Variants in PDCD1LG2 observed in about 807,000 individuals in gnomAD.
The protein encoded by PDCD1LG2 is B7 dendritic cell molecule.
Under a neutral mutation model 28.2 loss-of-function variants are expected in PDCD1LG2, and 32 were observed. The ratio of observed to expected loss-of-function variants is 1.13; its 90% CI spans 0.86 to 1.52. The LOEUF is 1.52. PDCD1LG2 is among the 40% of genes most tolerant of loss of function. The probability of loss-of-function intolerance (pLI) is 0.00; values close to 1 mark genes in which losing one functional copy is unlikely to be tolerated. For synonymous variants in PDCD1LG2, 116 were observed against 120.2 expected, an observed-to-expected ratio of 0.97 and a Z score of 0.23; for missense variants, 385 against 323.8, an observed-to-expected ratio of 1.19 and a Z score of -1.45.
At chr9:5,515,167 A>T (rs966628676) in intron 1 of PDCD1LG2, among the ~76,000 whole-genome samples, 1 of 152,256 alleles carries the variant, frequency 6.6e-6, no homozygotes, top group Admixed American at 6.5e-5. Context: ...CCCAGATATT[A>T]GAGAACGTGT....
chr9:5,557,188 G>C (rs1816459486), intron 4 of PDCD1LG2, among the ~76,000 whole-genome samples: 1 of 152,040 alleles, frequency 6.6e-6, no homozygotes, highest in South Asian at 2.1e-4. Flanking sequence ...GGAAGAGAGA[G>C]AGGATGAGGA....
rs1158704654 is a variant in PDCD1LG2, at chr9:5,557,658, C to A, written c.672C>A (p.His224Gln). The change falls in exon 5 of 7, where the codon CAC (histidine) becomes CAA (glutamine). Residue 224 changes from histidine (H) to glutamine (Q), a missense_variant. By Grantham distance (24) the His-to-Gln change is conservative. Coordinates refer to ENST00000397747, the MANE Select transcript of PDCD1LG2 (RefSeq NM_025239.4). ...EPRTHPTWLL[H>Q]IFIPFCIIAF... is the part of the protein sequence containing the mutation. ...GGACCCATCCAACTTGGCTGCTTCA[C>A]ATTTTCATCCCCTTCTGCATCATTG... is the stretch of plus-strand genomic sequence containing the variant. The A allele has an allele frequency of 1.2e-6, 2 of 1,613,936 alleles. No individual in the cohort carries two copies. The highest frequency in any genetic ancestry group is 1.7e-6 in the Non-Finnish European group (2 of 1,179,812).
At position 5,555,130 on chromosome 9, in the gene PDCD1LG2, A is replaced by T. The variant is rs1047647600; in HGVS notation, c.632-2488A>T. Among the ~76,000 whole-genome samples the T allele has an allele frequency of 6.6e-5, 10 of 152,308 alleles. No homozygotes were observed. In the East Asian group the frequency reaches 1.9e-3, roughly 29 times the overall value. On this transcript the variant is annotated intron_variant, in intron 4 of 6. Coordinates refer to ENST00000397747, the MANE Select transcript of PDCD1LG2 (RefSeq NM_025239.4). ...ATATCATTGCTAAGAGTATGCCATT[A>T]TTGGCCAGGTGCGGTGGCTCATGCC...
intron 1 of PDCD1LG2, among the ~76,000 whole-genome samples, chr9:5,522,054 C>G (rs925941538): frequency 6.6e-6 from 1 of 152,178 alleles, no homozygotes; most frequent in African/African-American, 2.4e-5. Context: ...GACTACTTTG[C>G]TCAGTCAACT....
chr9:5,525,203 G>A (rs960805898), intron 2 of PDCD1LG2, among the ~76,000 whole-genome samples: 1 of 152,026 alleles, frequency 6.6e-6, no homozygotes, highest in Non-Finnish European at 1.5e-5. Flanking sequence ...AAAAATATTA[G>A]CCGGGCATGG....
intron 4 of PDCD1LG2, among the ~76,000 whole-genome samples, chr9:5,554,745 A>G (rs1816403817): frequency 6.6e-6 from 1 of 152,262 alleles, no homozygotes; most frequent in South Asian, 2.1e-4. Context: ...TAGGGCTGGC[A>G]GAAAAGAGAA....
chr9:5,567,639 C>T (rs1816691507), intron 6 of PDCD1LG2, among the ~76,000 whole-genome samples: 1 of 152,180 alleles, frequency 6.6e-6, no homozygotes. Flanking sequence ...AAGTGACTTC[C>T]TTAAGTGAAA....
chr9:5,527,953 C>A (rs1485216144), intron 2 of PDCD1LG2, among the ~76,000 whole-genome samples: 3 of 152,008 alleles, frequency 2.0e-5, no homozygotes, highest in South Asian at 2.1e-4. Context: ...CTCAGCCTCC[C>A]AAGTAGCTGG....
intron 5 of PDCD1LG2, among the ~76,000 whole-genome samples, chr9:5,559,745 A>G (rs748363032): frequency 2.2e-4 from 34 of 152,206 alleles, no homozygotes; most frequent in Non-Finnish European, 1.0e-4. Context: ...TTTAAAAATC[A>G]TAAATCTACC....
At position 5,522,533 on chromosome 9, in the gene PDCD1LG2, A is replaced by T. The variant is rs199824030; in HGVS notation, c.-14A>T. 1.2e-6 allele frequency: 2 copies of T among 1,612,642 alleles called. No individual in the cohort carries two copies. Among genetic ancestry groups the T allele is most frequent in the Non-Finnish European group, 1.7e-6 (2 of 1,179,128 alleles). On this transcript the variant is annotated splice_region_variant and 5_prime_UTR_variant, in exon 2 of 7. Coordinates refer to ENST00000397747, the MANE Select transcript of PDCD1LG2 (RefSeq NM_025239.4). ...TGAGACTTTCAATTGTCTATTTCAGATCAAATACAGAACATGATCTTCCTC... is the reference window on the plus strand; with the variant it reads ...TGAGACTTTCAATTGTCTATTTCAGTTCAAATACAGAACATGATCTTCCTC...
At chr9:5,535,145 C>T in intron 3 of PDCD1LG2, 95 bp downstream of exon 3, 2 of 1,133,670 alleles carry the variant, frequency 1.8e-6, no homozygotes, top group Non-Finnish European at 2.4e-6. Context: ...CAAGCAAAAA[C>T]AAGCAGGCTG....
intron 1 of PDCD1LG2, among the ~76,000 whole-genome samples, chr9:5,519,294 G>C (rs978331752): frequency 6.6e-5 from 10 of 152,212 alleles, no homozygotes; most frequent in African/African-American, 2.4e-4. Context: ...AAATGAGGCA[G>C]TTGTGGGTAT....
At chr9:5,560,477 A>G (rs1216599484) in intron 5 of PDCD1LG2, among the ~76,000 whole-genome samples, 1 of 152,170 alleles carries the variant, frequency 6.6e-6, no homozygotes, top group African/African-American at 2.4e-5. Context: ...CACACAGACC[A>G]CAGTGCTACA....
intron 1 of PDCD1LG2, among the ~76,000 whole-genome samples, chr9:5,522,069 A>G (rs1200462292): frequency 1.3e-5 from 2 of 152,232 alleles, no homozygotes; most frequent in Non-Finnish European, 2.9e-5. Context: ...TCAACTAGCA[A>G]GTATTTATTG....
intron 2 of PDCD1LG2, 70 bp from the exon 3 acceptor site, chr9:5,534,675 G>C: frequency 7.0e-7 from 1 of 1,431,452 alleles, no homozygotes; most frequent in Non-Finnish European, 9.5e-7. Context: ...TGGGTCTCAG[G>C]TTACACTTCG....
intron 3 of PDCD1LG2, among the ~76,000 whole-genome samples, chr9:5,542,369 C>A (rs55879947): frequency 0.15 from 23,430 of 152,004 alleles, 2,324 homozygotes; most frequent in African/African-American, 0.27. Context: ...TTCTGCACAG[C>A]AAAAGAAATA....
chr9:5,540,592 C>A (rs528455086), intron 3 of PDCD1LG2, among the ~76,000 whole-genome samples: 1 of 152,222 alleles, frequency 6.6e-6, no homozygotes, highest in East Asian at 1.9e-4. Flanking sequence ...AACACCTTTA[C>A]ACGTACAAAC....
chr9:5,514,087 T>G (rs145631281), intron 1 of PDCD1LG2, among the ~76,000 whole-genome samples: 78 of 152,322 alleles, frequency 5.1e-4, no homozygotes, highest in African/African-American at 1.8e-3. Flanking sequence ...GAATGAAGTA[T>G]TTTACAAACA....
chr9:5,549,614 G>T lies in PDCD1LG2; in HGVS notation c.631+10G>T, dbSNP rs767666262. ...AGCATTGACCTTCAAAGTAAGAGCT[G>T]CCCCCACTTCCTAGGTCTATCAGTT... On this transcript the variant is annotated intron_variant, in intron 4 of 6. Transcript: ENST00000397747. 7 of 1,613,868 alleles carry T rather than the reference G, an allele frequency of 4.3e-6. No homozygotes were observed. The highest frequency in any genetic ancestry group is 1.1e-5 in the South Asian group (1 of 91,064).
Sources: gnomAD v4.1 joint callset for allele counts (sites outside exome capture counted in the v4.1 genomes callset) on GRCh38, gnomAD v4.1.1 for gene constraint, MANE v1.5 for transcripts, NCBI Gene and HGNC (gene_info 2026-07-23, HGNC 2026-07-21) for gene names.